WARS2: variants seen among roughly 807,000 people sequenced by gnomAD.
WARS2 encodes tryptophanyl tRNA synthetase 2, mitochondrial.
Under a neutral mutation model 36.5 loss-of-function variants are expected in WARS2, and 28 were observed. The ratio of observed to expected loss-of-function variants is 0.77; its 90% confidence interval spans 0.57 to 1.05. The LOEUF (loss-of-function observed/expected upper bound fraction) is 1.05, where lower values mean the gene tolerates loss of function less well. Among genes scored for constraint, WARS2 ranks in the 50% least tolerant of loss-of-function variants. The pLI is 0.00. For missense variants in WARS2, 435 were observed against 456.8 expected (o/e 0.95, Z 0.44); for synonymous variants, 174 against 178.4 (o/e 0.98, Z 0.20).
At chr1:119,041,575 A>C (rs1031091680) in intron 4 of WARS2, among the ~76,000 whole-genome samples, 2 of 152,220 alleles carry the variant, frequency 1.3e-5, no homozygotes, top group African/African-American at 4.8e-5. Context: ...ATTCAAATTA[A>C]ATAGAATTTA....
At chr1:119,123,980 C>T (rs1296437156) in intron 1 of WARS2, among the ~76,000 whole-genome samples, 7 of 152,258 alleles carry the variant, frequency 4.6e-5, no homozygotes, top group South Asian at 2.1e-4. Context: ...TATATGTTCA[C>T]GAAGCATCTA....
intron 1 of WARS2, among the ~76,000 whole-genome samples, chr1:119,115,195 T>C (rs1226596252): frequency 6.6e-6 from 1 of 152,194 alleles, no homozygotes; most frequent in Non-Finnish European, 1.5e-5. Flanking sequence ...AGAATCCTTC[T>C]TGCAGTAAGT....
chr1:119,040,848 G>C (rs1648289767), intron 4 of WARS2, among the ~76,000 whole-genome samples: 2 of 152,102 alleles, frequency 1.3e-5, no homozygotes, highest in Admixed American at 1.3e-4. Context: ...TACCTCTCTA[G>C]AAAATGTATT....
At chr1:119,065,668 GAT>G (rs1650782677) in intron 2 of WARS2, among the ~76,000 whole-genome samples, 1 of 146,754 alleles carries the variant, frequency 6.8e-6, no homozygotes, top group Non-Finnish European at 1.5e-5. Context: ...AAATAAAAAA[GAT>G]ACAATAACAG....
rs377458085 is a variant in WARS2 at position 119,062,413 on chromosome 1, G to C, written c.348+13937C>G. On this transcript the variant is annotated intron_variant, in intron 2 of 5. Transcript: ENST00000235521. ...CAATTAAAACAGTGGTTTCCAAAAT[G>C]AGATTTGTGATTCTCAGAGGCTGTG... Among the ~76,000 whole-genome samples the C allele has an allele frequency of 5.3e-5, 8 of 152,082 alleles. No individual in the cohort carries two copies. In the South Asian group the frequency reaches 1.7e-3, roughly 32 times the overall value.
chr1:119,054,923 T>C (rs1649648449), intron 2 of WARS2, among the ~76,000 whole-genome samples: 1 of 152,176 alleles, frequency 6.6e-6, no homozygotes, highest in South Asian at 2.1e-4. Context: ...AGTTATTGTT[T>C]AATGGGTATA....
chr1:119,052,947 A>G (rs1354086316), intron 2 of WARS2, among the ~76,000 whole-genome samples: 1 of 152,226 alleles, frequency 6.6e-6, no homozygotes, highest in Non-Finnish European at 1.5e-5. Flanking sequence ...GCTCTTAAAG[A>G]TTCTTCCTGA....
chr1:119,096,632 T>G (rs947177179), intron 1 of WARS2, among the ~76,000 whole-genome samples: 1 of 152,164 alleles, frequency 6.6e-6, no homozygotes, highest in Non-Finnish European at 1.5e-5. Flanking sequence ...CTTCCCCAAC[T>G]GGAAATTTTT....
In WARS2 at chr1:119,033,008, T is replaced by C. The variant is rs1277132868; in HGVS notation, c.986A>G (p.Asp329Gly). The C allele has an allele frequency of 6.2e-7, 1 of 1,614,254 alleles. No homozygotes were observed. Among genetic ancestry groups the C allele is most frequent in the Admixed American group, 1.7e-5 (1 of 60,032 alleles). The stretch of plus-strand genomic sequence containing the variant: ...AATTTGTAAAACCTTCTCTAAATGG[T>C]CCTTGTCCAGCTTCAGTTTTTCAAT... ...REIEKLKLDKDHLEKVLQIGS... is the reference protein window; with the variant it reads ...REIEKLKLDKGHLEKVLQIGS... Residue 329 changes from aspartate (D) to glycine (G), a missense_variant, in exon 6 of 6, where the codon GAC becomes GGC. By Grantham distance (94) the Asp-to-Gly change is moderately conservative (BLOSUM62 -1). Coordinates refer to ENST00000235521, the MANE Select transcript of WARS2 (RefSeq NM_015836.4).
At chr1:119,085,443 G>T in intron 1 of WARS2, 1 of 1,511,016 alleles carries the variant, frequency 6.6e-7, no homozygotes, top group Non-Finnish European at 9.0e-7. Context: ...CTCCCAGTCA[G>T]TTGTCTCTTT....
At chr1:119,055,669 CAG>C (rs1456672765) in intron 2 of WARS2, among the ~76,000 whole-genome samples, 1 of 137,516 alleles carries the variant, frequency 7.3e-6, no homozygotes, top group African/African-American at 2.7e-5. Flanking sequence ...AAACAAAAAA[CAG>C]AGAAGAAAGG....
intron 2 of WARS2, among the ~76,000 whole-genome samples, chr1:119,069,686 G>A (rs1018399581): frequency 3.5e-4 from 54 of 152,272 alleles, no homozygotes; most frequent in African/African-American, 1.3e-3. Context: ...TTTTTTAAGG[G>A]ATTTCTAGCT....
rs1476372554 is a variant in WARS2, at chr1:119,033,443, A to C, written c.635-84T>G. The stretch of plus-strand genomic sequence containing the variant: ...CAAGATGTACACACAGACAGTTCCC[A>C]ACTTGCAATGGTTTGAATTATGATT... On this transcript the variant is annotated intron_variant, in intron 5 of 5. Transcript: ENST00000235521. 2.0e-6 allele frequency: 3 copies of C among 1,528,258 alleles called. No individual in the cohort carries two copies. The East Asian group carries it at 6.8e-5, about 34-fold the overall frequency. 94.7% of individuals were successfully genotyped at this position (1,528,258 alleles called of 1,614,324 possible).
chr1:119,067,619 G>A (rs144170168), intron 2 of WARS2, among the ~76,000 whole-genome samples: 307 of 152,240 alleles, frequency 2.0e-3, no homozygotes, highest in Non-Finnish European at 3.8e-3. Context: ...CCTAGGGTGG[G>A]AGCATTGTAT....
chr1:119,123,755 G>C (rs587708585), intron 1 of WARS2, among the ~76,000 whole-genome samples: 1 of 152,170 alleles, frequency 6.6e-6, no homozygotes, highest in East Asian at 1.9e-4. Context: ...ATGTTGGAAT[G>C]TTCACAGGCT....
chr1:119,082,237 G>A, intron 1 of WARS2: 3 of 982,350 alleles, frequency 3.1e-6, no homozygotes, highest in Non-Finnish European at 3.6e-6. Context: ...GAGTTTAAAA[G>A]GAATCAACTT....
chr1:119,138,915 A>C (rs1324638752), intron 1 of WARS2, among the ~76,000 whole-genome samples: 4 of 152,212 alleles, frequency 2.6e-5, no homozygotes, highest in African/African-American at 4.8e-5. Context: ...GAGGTTTAAG[A>C]AATTTTTTCT....
chr1:119,082,263 T>TC, intron 1 of WARS2: 1 of 985,192 alleles, frequency 1.0e-6, no homozygotes, highest in African/African-American at 1.7e-5. Flanking sequence ...TTAAAAATAT[T>TC]CCCCCACAGG....
At chr1:119,050,710 GTACTATTA>G (rs1260102520) in intron 2 of WARS2, among the ~76,000 whole-genome samples, 2 of 151,782 alleles carry the variant, frequency 1.3e-5, no homozygotes, top group African/African-American at 4.8e-5. Context: ...AAAAAGTACT[GTACTATTA>G]TACCAACTAC....
Sources: gnomAD v4.1 joint callset for allele counts (sites outside exome capture counted in the v4.1 genomes callset) on GRCh38, gnomAD v4.1.1 for gene constraint, MANE v1.5 for transcripts, NCBI Gene and HGNC (gene_info 2026-07-23, HGNC 2026-07-21) for gene names.